The following MIEF1 variants were observed in gnomAD, a reference collection of about 807,000 sequenced individuals.
MIEF1 encodes the protein mitochondrial elongation factor 1.
In MIEF1, 14 loss-of-function variants were observed where a neutral mutation model predicts 35.1. The observed-to-expected ratio is 0.40, with a 90% CI of 0.26 to 0.62. MIEF1 has a LOEUF of 0.62. MIEF1 is among the 20% of genes least tolerant of loss of function. The probability of loss-of-function intolerance (pLI) is 0.43; values close to 1 mark genes in which losing one functional copy is unlikely to be tolerated. For missense variants in MIEF1, 542 were observed against 615.4 expected (o/e 0.88, Z 1.26); for synonymous variants, 245 against 254.3 (o/e 0.96, Z 0.35).
In MIEF1 at chr22:39,516,807, TATC is replaced by T. The variant is rs1930694609; in HGVS notation, c.*2488_*2490del. On this transcript the variant is annotated 3_prime_UTR_variant, in exon 6 of 6. Coordinates refer to ENST00000325301, the MANE Select transcript of MIEF1 (RefSeq NM_019008.6). ...GTCATTTAAGGAAGGCAAATGAGTT[TATC>T]ATCCTTCTTAAAGAGCATCTCTTTT... The T allele has an allele frequency of 6.6e-6, 1 of 152,252 alleles. No homozygotes were observed. The highest frequency in any genetic ancestry group is 2.4e-5 in the African/African-American group (1 of 41,464). The allele number at this position is 152,252 out of a possible 1,614,324, so 9.4% of individuals were successfully genotyped here.
chr22:39,514,150 C>G lies in MIEF1; in HGVS notation c.1219C>G (p.Arg407Gly). 6.2e-7 allele frequency: 1 copy of G among 1,614,200 alleles called. No homozygotes were observed. The highest frequency in any genetic ancestry group is 1.1e-5 in the South Asian group (1 of 91,082). ...ADWSPDMLAD[R>G]FLQALRGLIS... ...CTGGTCTCCGGATATGCTGGCCGACCGTTTCCTGCAGGCCTTGAGGGGACT... is the reference window on the plus strand; with the variant it reads ...CTGGTCTCCGGATATGCTGGCCGACGGTTTCCTGCAGGCCTTGAGGGGACT... Residue 407 changes from arginine to glycine, a missense_variant, in exon 6 of 6, where the codon CGT (arginine) becomes GGT (glycine). Arg to Gly is a moderately radical substitution (Grantham distance 125, BLOSUM62 -2). Transcript: ENST00000325301.
In MIEF1 at chr22:39,517,632, T is replaced by C. The variant is rs1387430979; in HGVS notation, c.*3309T>C. 1 of 470,936 alleles carries C rather than the reference T, an allele frequency of 2.1e-6. No individual in the cohort carries two copies. The highest frequency in any genetic ancestry group is 4.4e-6 in the Non-Finnish European group (1 of 226,994). 29.2% of individuals were successfully genotyped at this position (470,936 alleles called of 1,614,324 possible). On this transcript the variant is annotated 3_prime_UTR_variant, in exon 6 of 6. Transcript: ENST00000325301. ...GATACTTCCTTGGGACTGACTTGGCTGAGAACGTGTTCTGTCAGAGGATTT... is the reference window on the plus strand; with the variant it reads ...GATACTTCCTTGGGACTGACTTGGCCGAGAACGTGTTCTGTCAGAGGATTT...
intron 1 of MIEF1, chr22:39,502,901 C>CCAA (rs1929820291): frequency 6.6e-6 from 1 of 152,318 alleles, no homozygotes; most frequent in East Asian, 1.9e-4. Flanking sequence ...CTCAAGCTTG[C>CCAA]GCAGGAAGTT....
At chr22:39,501,232 G>C (rs1929684892), upstream of MIEF1, among the ~76,000 whole-genome samples, 1 of 152,126 alleles carries the variant, frequency 6.6e-6, no homozygotes, top group South Asian at 2.1e-4. Context: ...TCTCCCTGTG[G>C]CTCCTAGACC....
intron 2 of MIEF1, among the ~76,000 whole-genome samples, chr22:39,509,163 C>T (rs1470088888): frequency 3.3e-5 from 5 of 152,044 alleles, no homozygotes; most frequent in East Asian, 1.9e-4. Context: ...ACTATGTTGG[C>T]CAGGCTGGTC....
At chr22:39,505,217 C>T (rs878966829) in intron 2 of MIEF1, among the ~76,000 whole-genome samples, 10 of 152,178 alleles carry the variant, frequency 6.6e-5, no homozygotes, top group South Asian at 4.2e-4. Flanking sequence ...GACGGGGTCT[C>T]GCTCTCGCCC....
At chr22:39,503,026 C>T (rs1441637616) in intron 1 of MIEF1, 1 of 152,164 alleles carries the variant, frequency 6.6e-6, no homozygotes, top group Non-Finnish European at 1.5e-5. Context: ...CGGAGGTGAT[C>T]ATTTCTTCCA....
intron 5 of MIEF1, 134 bp from the exon 6 acceptor site, chr22:39,513,383 C>A: frequency 2.2e-6 from 2 of 900,920 alleles, no homozygotes; most frequent in Non-Finnish European, 3.3e-6. Context: ...AGATTACAGG[C>A]ATGGGCCACT....
At chr22:39,511,562 A>C in intron 3 of MIEF1, 124 bp downstream of exon 3, 1 of 1,386,384 alleles carries the variant, frequency 7.2e-7, no homozygotes, top group African/African-American at 1.5e-5. Context: ...AGTGAAAAAA[A>C]CAGGTTTCAA....
At chr22:39,513,216 T>C (rs1240193142) in intron 5 of MIEF1, among the ~76,000 whole-genome samples, 1 of 152,006 alleles carries the variant, frequency 6.6e-6, no homozygotes, top group Non-Finnish European at 1.5e-5. Context: ...TTCTCCTGTC[T>C]CAGCCTCCTG....
chr22:39,515,171 G>T lies in MIEF1; in HGVS notation c.*848G>T. The T allele has an allele frequency of 1.5e-6, 1 of 666,558 alleles. No homozygotes were observed. Among genetic ancestry groups the T allele is most frequent in the Non-Finnish European group, 2.8e-6 (1 of 358,116 alleles). The allele number at this position is 666,558 out of a possible 1,614,324, so 41.3% of individuals were successfully genotyped here. On this transcript the variant is annotated 3_prime_UTR_variant, in exon 6 of 6. Transcript: ENST00000325301. Reference sequence around the variant, plus strand: ...ACAGACAAGGATGGGGACTGCCAGGGCACCACTTCATCATGAATGCTGGTT... The same window carrying T: ...ACAGACAAGGATGGGGACTGCCAGGTCACCACTTCATCATGAATGCTGGTT...
Position 39,512,415 on chromosome 22 carries a change from G to A in MIEF1, c.506G>A (p.Arg169Gln). Reference sequence around the variant, plus strand: ...GCTGTGGACATATGTGCCGAGCTCCGGAGCTTCCTGCGGGCCAAGTTGCCT... The same window carrying A: ...GCTGTGGACATATGTGCCGAGCTCCAGAGCTTCCTGCGGGCCAAGTTGCCT... The part of the protein sequence containing the change: ...QAAVDICAEL[R>Q]SFLRAKLPDM... The change falls in exon 5 of 6, where the codon CGG becomes CAG. Residue 169 changes from arginine to glutamine, a missense_variant. Arg to Gln is a conservative substitution (Grantham distance 43). Transcript: ENST00000325301. 2.5e-6 allele frequency: 4 copies of A among 1,614,190 alleles called. No homozygotes were observed. The highest frequency in any genetic ancestry group is 1.7e-6 in the Non-Finnish European group (2 of 1,180,032).
intron 2 of MIEF1, among the ~76,000 whole-genome samples, chr22:39,505,419 T>C (rs1929968566): frequency 6.6e-6 from 1 of 152,172 alleles, no homozygotes; most frequent in South Asian, 2.1e-4. Flanking sequence ...TTCAAACTCT[T>C]AGCCTCAAGC....
rs369207595 is a variant in MIEF1, at chr22:39,514,299, G to A, written c.1368G>A (p.Glu456=). The change falls in exon 6 of 6, where the codon GAG becomes GAA. Residue 456 remains glutamate, a synonymous_variant. Transcript: ENST00000325301. Reference sequence around the variant, plus strand: ...ACACTCTGTATTGCTCATTGTCTGAGCCAGAGGTGCTGCTGCAGACGTAGG... The same window carrying A: ...ACACTCTGTATTGCTCATTGTCTGAACCAGAGGTGCTGCTGCAGACGTAGG... The part of the protein sequence containing the change: ...LGYTLYCSLS[E]PEVLLQT 8.1e-5 allele frequency: 130 copies of A among 1,613,804 alleles called. No homozygotes were observed. The highest frequency in any genetic ancestry group is 9.7e-5 in the Non-Finnish European group (115 of 1,179,866).
At chr22:39,511,825 C>G (rs2145750534) in intron 3 of MIEF1, 24 bp from the exon 4 acceptor site, 1 of 1,599,786 alleles carries the variant, frequency 6.3e-7, no homozygotes, top group Non-Finnish European at 8.5e-7. Flanking sequence ...AGGTTTATGT[C>G]CTGTGTCCTC....
Position 39,504,514 on chromosome 22 carries a change from A to T in MIEF1, c.-28A>T. The T allele has an allele frequency of 2.5e-6, 1 of 398,422 alleles. No individual in the cohort carries two copies. The highest frequency in any genetic ancestry group is 4.4e-6 in the Non-Finnish European group (1 of 226,062). 24.7% of individuals were successfully genotyped at this position (398,422 alleles called of 1,614,324 possible). ...CTGCTCTCTTCCATCCCCATCTTAC[A>T]GATGTATTAAGAAGCCTCAGGTACG... On this transcript the variant is annotated 5_prime_UTR_variant, in exon 2 of 6. Coordinates refer to ENST00000325301, the MANE Select transcript of MIEF1 (RefSeq NM_019008.6).
rs544735642 is a variant in MIEF1 at position 39,513,961 on chromosome 22, G to C, written c.1030G>C (p.Ala344Pro). The C allele has an allele frequency of 1.2e-6, 2 of 1,612,960 alleles. No homozygotes were observed. The highest frequency in any genetic ancestry group is 2.2e-5 in the East Asian group (1 of 44,892). ...DNLWRLSLRP[A>P]ETARLRALDQ... is the part of the protein sequence containing the mutation. Reference sequence around the variant, plus strand: ...CCTGTGGCGGCTGAGCCTGCGTCCCGCGGAGACGGCACGCCTGCGGGCTCT... The same window carrying C: ...CCTGTGGCGGCTGAGCCTGCGTCCCCCGGAGACGGCACGCCTGCGGGCTCT... Residue 344 changes from alanine to proline, a missense_variant, in exon 6 of 6, where the codon GCG becomes CCG. Physicochemically the swap from Ala to Pro is conservative, Grantham distance 27 (BLOSUM62 -1). Coordinates refer to ENST00000325301, the MANE Select transcript of MIEF1 (RefSeq NM_019008.6).
chr22:39,502,300 G>C lies in MIEF1; in HGVS notation c.-477G>C, dbSNP rs1221299332. Reference sequence around the variant, plus strand: ...AGTCCCTCCGCCTCCACTCGCCCTCGTGCTCCCTTCAGCCCCTTCGCAGCT... The same window carrying C: ...AGTCCCTCCGCCTCCACTCGCCCTCCTGCTCCCTTCAGCCCCTTCGCAGCT... On this transcript the variant is annotated 5_prime_UTR_variant, in exon 1 of 6. Transcript: ENST00000325301. The C allele has an allele frequency of 6.6e-6, 1 of 152,380 alleles. No individual in the cohort carries two copies. The highest frequency in any genetic ancestry group is 1.5e-5 in the Non-Finnish European group (1 of 68,162). 9.4% of individuals were successfully genotyped at this position (152,380 alleles called of 1,614,324 possible). A position where few individuals can be genotyped will look rare whatever the true frequency, so the allele number is the denominator to read the frequency against.
rs766635961 is a variant in MIEF1, at chr22:39,515,883, C to G, written c.*1560C>G. On this transcript the variant is annotated 3_prime_UTR_variant, in exon 6 of 6. Transcript: ENST00000325301. Reference sequence around the variant, plus strand: ...CTGCAGCTGTCTCATTCCTTCCCAACGATAGTAACAGGAAATGACTCTTTA... The same window carrying G: ...CTGCAGCTGTCTCATTCCTTCCCAAGGATAGTAACAGGAAATGACTCTTTA... 6.5e-6 allele frequency: 1 copy of G among 154,458 alleles called. No homozygotes were observed. Among genetic ancestry groups the G allele is most frequent in the Admixed American group, 6.4e-5 (1 of 15,676 alleles). The allele number at this position is 154,458 out of a possible 1,614,324, so 9.6% of individuals were successfully genotyped here. A position where few individuals can be genotyped will look rare whatever the true frequency, so the allele number is the denominator to read the frequency against.
Sources: gnomAD v4.1 joint callset for allele counts (sites outside exome capture counted in the v4.1 genomes callset) on GRCh38, gnomAD v4.1.1 for gene constraint, MANE v1.5 for transcripts, NCBI Gene and HGNC (gene_info 2026-07-23, HGNC 2026-07-21) for gene names.